STK32B: variants seen among roughly 807,000 people sequenced by gnomAD.
STK32B encodes serine/threonine-protein kinase 32B.
Under a neutral mutation model 52.6 loss-of-function variants are expected in STK32B, and 43 were observed. That is an observed-to-expected ratio of 0.82 (90% confidence interval 0.64 to 1.05). STK32B has a LOEUF of 1.05. STK32B is among the 50% of genes least tolerant of loss of function. The pLI, the probability that STK32B is intolerant of heterozygous loss-of-function variation, is 0.00. For missense variants in STK32B, 621 were observed against 534.6 expected (o/e 1.16, Z -1.59); for synonymous variants, 238 against 204.3 (o/e 1.17, Z -1.41).
chr4:5,235,047 C>T (rs533450658), intron 3 of STK32B, among the ~76,000 whole-genome samples: 3 of 152,128 alleles, frequency 2.0e-5, no homozygotes, highest in Admixed American at 6.5e-5. Context: ...TTAAGTAAAC[C>T]AGAACATTTC....
chr4:5,276,656 G>A (rs527412057), intron 3 of STK32B, among the ~76,000 whole-genome samples: 6 of 151,812 alleles, frequency 4.0e-5, no homozygotes, highest in African/African-American at 7.3e-5. Context: ...TTCATAAGGC[G>A]TCACGTGTTA....
rs541562486 is a variant in STK32B, at chr4:5,467,103, G to A, written c.1041+269G>A. On this transcript the variant is annotated intron_variant, in intron 10 of 11. Transcript: ENST00000282908. This position sits in a 1 kb window ranked among gnomAD's most constrained non-coding sequence, Gnocchi z 5.8. ...GGGAGGGACCCAGCGGTCCCACTGC[G>A]CCCTTGAGAAAGATTTTGTACCGCA... 6.0e-5 allele frequency among the ~76,000 whole-genome samples: 9 copies of A among 151,240 alleles called. No individual in the cohort carries two copies. The highest frequency in any genetic ancestry group is 9.7e-5 in the African/African-American group (4 of 41,220).
At chr4:5,334,441 C>T (rs1732489790) in intron 4 of STK32B, among the ~76,000 whole-genome samples, 1 of 152,048 alleles carries the variant, frequency 6.6e-6, no homozygotes, top group African/African-American at 2.4e-5. Flanking sequence ...AATTTGACAT[C>T]CTCTTTTCCT....
chr4:5,389,529 T>G (rs758114860), intron 4 of STK32B, among the ~76,000 whole-genome samples: 1 of 152,168 alleles, frequency 6.6e-6, no homozygotes, highest in Non-Finnish European at 1.5e-5. Context: ...TCTCCTCTTC[T>G]TATAAGGACA....
At chr4:5,256,075 G>A (rs982644803) in intron 3 of STK32B, among the ~76,000 whole-genome samples, 7 of 152,146 alleles carry the variant, frequency 4.6e-5, no homozygotes, top group Non-Finnish European at 8.8e-5. Flanking sequence ...TTAGAAGAAG[G>A]AAATTGTGGG....
chr4:5,333,534 G>C (rs2108957921), intron 4 of STK32B, among the ~76,000 whole-genome samples: 1 of 152,270 alleles, frequency 6.6e-6, no homozygotes, highest in Non-Finnish European at 1.5e-5. Flanking sequence ...TGGTGTTTTA[G>C]ACATGAAGTC....
At chr4:5,282,381 A>G (rs1203668241) in intron 3 of STK32B, among the ~76,000 whole-genome samples, 1 of 152,200 alleles carries the variant, frequency 6.6e-6, no homozygotes. Context: ...ATCTGTGGAT[A>G]CAGAGGGCCT....
At chr4:5,363,423 G>T (rs911974199) in intron 4 of STK32B, among the ~76,000 whole-genome samples, 4 of 152,194 alleles carry the variant, frequency 2.6e-5, no homozygotes, top group African/African-American at 4.8e-5. Flanking sequence ...TGCCACTGAT[G>T]TGTGACTGAG....
chr4:5,235,217 C>G (rs939870071), intron 3 of STK32B, among the ~76,000 whole-genome samples: 1 of 152,218 alleles, frequency 6.6e-6, no homozygotes, highest in Admixed American at 6.5e-5. Flanking sequence ...CTGCCTGTTG[C>G]ACATGGTGGT....
chr4:5,398,742 C>T lies in STK32B; in HGVS notation c.472+498C>T, dbSNP rs1272155405. On this transcript the variant is annotated intron_variant, in intron 5 of 11. Coordinates refer to ENST00000282908, the MANE Select transcript of STK32B (RefSeq NM_018401.3). This position sits in a 1 kb window ranked among gnomAD's most constrained non-coding sequence, Gnocchi z 4.9. ...CTCATCTATCGGCTATGTCAGGCTT[C>T]TCAAAATTTCCTTTATGTGCACACA... Among the ~76,000 whole-genome samples the T allele has an allele frequency of 3.3e-5, 5 of 152,206 alleles. No homozygotes were observed. Among genetic ancestry groups the T allele is most frequent in the Non-Finnish European group, 1.5e-5 (1 of 68,046 alleles).
At chr4:5,227,050 T>G (rs1398076932) in intron 3 of STK32B, among the ~76,000 whole-genome samples, 1 of 152,204 alleles carries the variant, frequency 6.6e-6, no homozygotes, top group African/African-American at 2.4e-5. Flanking sequence ...ATCTGCTTCA[T>G]CATGCATTCA....
Position 5,104,788 on chromosome 4 carries a change from G to T in STK32B, c.53-35117G>T, listed in dbSNP as rs995234087. Among the ~76,000 whole-genome samples, 20 of 152,218 alleles carry T rather than the reference G, an allele frequency of 1.3e-4. 1 individual carries two copies. Among genetic ancestry groups the T allele is most frequent in the Admixed American group, 1.2e-3 (18 of 15,288 alleles). On this transcript the variant is annotated intron_variant, in intron 1 of 11. Transcript: ENST00000282908. ...TAGAATTATGAATGAATATTATTTT[G>T]TTCCTGGCTTTGTTTTTTCAACGTG...
chr4:5,324,749 G>A (rs1731760791), intron 3 of STK32B, among the ~76,000 whole-genome samples: 1 of 151,636 alleles, frequency 6.6e-6, no homozygotes, highest in Non-Finnish European at 1.5e-5. Flanking sequence ...GTGAGTGATG[G>A]ACAAGAGGAC....
intron 1 of STK32B, among the ~76,000 whole-genome samples, chr4:5,088,523 GATT>G (rs1712866270): frequency 6.6e-6 from 1 of 152,038 alleles, no homozygotes; most frequent in Non-Finnish European, 1.5e-5. Flanking sequence ...TCCATGATGT[GATT>G]ATTAATACCT....
chr4:5,078,155 G>A (rs902502977), intron 1 of STK32B, among the ~76,000 whole-genome samples: 1 of 152,002 alleles, frequency 6.6e-6, no homozygotes, highest in Non-Finnish European at 1.5e-5. Context: ...TTTTATAAGG[G>A]GGCACAATAC....
At chr4:5,178,765 A>G (rs1167131655) in intron 3 of STK32B, among the ~76,000 whole-genome samples, 4 of 152,200 alleles carry the variant, frequency 2.6e-5, no homozygotes, top group African/African-American at 9.7e-5. Flanking sequence ...TCCAGTTCCC[A>G]ACAGGCCTCT....
intron 3 of STK32B, among the ~76,000 whole-genome samples, chr4:5,308,395 A>G (rs1213340445): frequency 6.6e-6 from 1 of 152,096 alleles, no homozygotes; most frequent in East Asian, 1.9e-4. Flanking sequence ...CCTGCCTCCT[A>G]TCCACCATTT....
chr4:5,495,475 G>A (rs569830190), intron 11 of STK32B, among the ~76,000 whole-genome samples: 7 of 152,124 alleles, frequency 4.6e-5, no homozygotes, highest in East Asian at 1.9e-4. Flanking sequence ...TTATACATTC[G>A]TCTGAATTTT....
At chr4:5,224,216 G>A (rs1723721753) in intron 3 of STK32B, among the ~76,000 whole-genome samples, 2 of 152,154 alleles carry the variant, frequency 1.3e-5, no homozygotes, top group Non-Finnish European at 2.9e-5. Flanking sequence ...CCCAGGGGAG[G>A]AATACTCTGG....
Sources: gnomAD v4.1 joint callset for allele counts (sites outside exome capture counted in the v4.1 genomes callset) on GRCh38, gnomAD v4.1.1 for gene constraint, Gnocchi (gnomAD v3.1) non-coding constraint, MANE v1.5 for transcripts, NCBI Gene and HGNC (gene_info 2026-07-23, HGNC 2026-07-21) for gene names.